Variants in MCMDC2 observed in about 807,000 individuals in gnomAD.
MCMDC2 encodes minichromosome maintenance domain-containing protein 2.
MCMDC2 carries 54 observed loss-of-function variants against 75.8 expected under a neutral mutation model. The observed-to-expected ratio is 0.71, with a 90% CI of 0.57 to 0.89. The LOEUF is 0.89. Ranked by LOEUF, MCMDC2 falls within the 40% of genes least tolerant of loss-of-function variation. The probability of loss-of-function intolerance (pLI) is 0.00; values close to 1 mark genes in which losing one functional copy is unlikely to be tolerated. For synonymous variants in MCMDC2, 249 were observed against 274.6 expected (o/e 0.91, Z 0.92); for missense variants, 656 against 780.4 (o/e 0.84, Z 1.90).
intron 7 of MCMDC2, among the ~76,000 whole-genome samples, chr8:66,879,889 G>A (rs1283527050): frequency 3.3e-5 from 5 of 152,090 alleles, no homozygotes. Context: ...GCTCTCTGGG[G>A]CTAGAGAGAA....
intron 1 of MCMDC2, among the ~76,000 whole-genome samples, chr8:66,871,094 C>T (rs1810993631): frequency 6.6e-6 from 1 of 152,216 alleles, no homozygotes; most frequent in Non-Finnish European, 1.5e-5. Context: ...CCTGTTCCCT[C>T]ACTTAACGCT....
intron 14 of MCMDC2, among the ~76,000 whole-genome samples, chr8:66,913,606 A>C (rs1322147204): frequency 6.6e-6 from 1 of 152,204 alleles, no homozygotes; most frequent in Non-Finnish European, 1.5e-5. Context: ...GTTACATAGT[A>C]GTGAAAAAAG....
At chr8:66,883,542 A>G (rs1053338682) in intron 8 of MCMDC2, among the ~76,000 whole-genome samples, 10 of 152,054 alleles carry the variant, frequency 6.6e-5, no homozygotes, top group African/African-American at 2.2e-4. Flanking sequence ...GCCTGTAATC[A>G]TAGCACTTTG....
intron 10 of MCMDC2, among the ~76,000 whole-genome samples, chr8:66,895,525 G>A (rs1416578389): frequency 6.6e-6 from 1 of 151,294 alleles, no homozygotes; most frequent in African/African-American, 2.4e-5. Context: ...TCTCACCTCA[G>A]CCTCCCAAGT....
rs571502790 is a variant in MCMDC2 at position 66,877,006 on chromosome 8, C to T, written c.286-343C>T. Among the ~76,000 whole-genome samples the T allele has an allele frequency of 7.9e-5, 12 of 152,146 alleles. No homozygotes were observed. In the South Asian group the frequency reaches 1.2e-3, roughly 16 times the overall value. ...CGATCTCCTGACCTCGTGATCTGCC[C>T]GCCTTGGCCTCCCAAAGTGCTGGGA... On this transcript the variant is annotated intron_variant, in intron 4 of 14. Transcript: ENST00000422365.
At chr8:66,897,255 A>G (rs1043702488) in intron 12 of MCMDC2, among the ~76,000 whole-genome samples, 5 of 151,992 alleles carry the variant, frequency 3.3e-5, no homozygotes, top group Non-Finnish European at 7.4e-5. Flanking sequence ...AAAAAATACA[A>G]AAATTAGCTG....
chr8:66,916,001 T>C (rs1202247075), intron 14 of MCMDC2, among the ~76,000 whole-genome samples: 1 of 151,944 alleles, frequency 6.6e-6, no homozygotes, highest in African/African-American at 2.4e-5. Flanking sequence ...AACCTAAAGG[T>C]TGTAGGTAGC....
chr8:66,923,655 G>T (rs995210031), downstream of MCMDC2, among the ~76,000 whole-genome samples: 2 of 152,132 alleles, frequency 1.3e-5, no homozygotes, highest in Non-Finnish European at 2.9e-5. Context: ...CTAGCACTTT[G>T]TGGGGTCGGG....
At position 66,883,972 on chromosome 8, in the gene MCMDC2, A is replaced by C; in HGVS notation, c.1051A>C (p.Ser351Arg). 6.2e-7 allele frequency: 1 copy of C among 1,611,824 alleles called. No individual in the cohort carries two copies. Among genetic ancestry groups the C allele is most frequent in the Non-Finnish European group, 8.5e-7 (1 of 1,178,176 alleles). Reference protein sequence around the residue: ...EDCLDILIITSDTLLIDRLLN... With the variant: ...EDCLDILIITRDTLLIDRLLN... ...TTGCCTGGATATTTTAATTATAACA[A>C]GTGATACTCTACTCATAGACAGGTA... Residue 351 changes from serine to arginine, a missense_variant, in exon 9 of 15, where the codon AGT (serine) becomes CGT (arginine). Coordinates refer to ENST00000422365, the MANE Select transcript of MCMDC2 (RefSeq NM_173518.5).
At chr8:66,882,088 A>C (rs764155440) in intron 8 of MCMDC2, among the ~76,000 whole-genome samples, 10 of 152,240 alleles carry the variant, frequency 6.6e-5, no homozygotes, top group Admixed American at 1.3e-4. Context: ...GGGCAGCCAC[A>C]AGACAGGTAG....
intron 14 of MCMDC2, among the ~76,000 whole-genome samples, chr8:66,910,927 C>T (rs1813091424): frequency 6.6e-6 from 1 of 152,176 alleles, no homozygotes; most frequent in Non-Finnish European, 1.5e-5. Context: ...TGCCTGTACC[C>T]CTGTGGTATT....
intron 14 of MCMDC2, among the ~76,000 whole-genome samples, chr8:66,916,138 G>C (rs1425438442): frequency 6.6e-6 from 1 of 151,834 alleles, no homozygotes; most frequent in South Asian, 2.1e-4. Flanking sequence ...GGTTCAGGAA[G>C]GAACTTTTTT....
At chr8:66,906,099 T>A (rs1237206916) in intron 14 of MCMDC2, among the ~76,000 whole-genome samples, 4 of 152,308 alleles carry the variant, frequency 2.6e-5, no homozygotes, top group African/African-American at 9.6e-5. Context: ...GTCTATAGCA[T>A]TTAATTTTTT....
intron 9 of MCMDC2, among the ~76,000 whole-genome samples, chr8:66,886,754 A>G (rs1811860834): frequency 6.6e-6 from 1 of 151,716 alleles, no homozygotes; most frequent in Admixed American, 6.6e-5. Context: ...CAGCCTGGGC[A>G]ACAGAGCAAG....
rs1467425752 is a variant in MCMDC2, at chr8:66,902,711, A to AAAATAT, written c.1769+1364_1769+1365insAATATA. On this transcript the variant is annotated intron_variant, in intron 13 of 14. Coordinates refer to ENST00000422365, the MANE Select transcript of MCMDC2 (RefSeq NM_173518.5). ...CTGTCTCAAAAAAAAAAAAAAAAAA[A>AAAATAT]ATATATATATATATATATATATATA... Among the ~76,000 whole-genome samples the AAAATAT allele has an allele frequency of 2.9e-3, 198 of 67,908 alleles. 5 individuals are homozygous for AAAATAT. The highest frequency in any genetic ancestry group is 0.014 in the East Asian group (28 of 2,004). The allele number at this position is 67,908 out of a possible 152,430, so 44.6% of individuals were successfully genotyped here.
downstream of MCMDC2, among the ~76,000 whole-genome samples, chr8:66,923,950 AAAGACTG>A (rs1813641664): frequency 6.6e-6 from 1 of 152,006 alleles, no homozygotes; most frequent in Non-Finnish European, 1.5e-5. Flanking sequence ...ACAAAACCCA[AAAGACTG>A]ATGGGCACAA....
chr8:66,884,108 G>A (rs1388082325), intron 9 of MCMDC2, 114 bp downstream of exon 9: 9 of 668,686 alleles, frequency 1.3e-5, no homozygotes, highest in South Asian at 3.9e-5. Context: ...GCCAGTATAA[G>A]TATTTAAATC....
At chr8:66,880,789 T>C in intron 7 of MCMDC2, 60 bp from the exon 8 acceptor site, 1 of 1,378,524 alleles carries the variant, frequency 7.3e-7, no homozygotes, top group Non-Finnish European at 9.5e-7. Context: ...TTGAACCATA[T>C]GTTCATGTAC....
intron 10 of MCMDC2, among the ~76,000 whole-genome samples, chr8:66,891,951 T>C (rs1307529719): frequency 6.6e-6 from 1 of 152,184 alleles, no homozygotes; most frequent in Non-Finnish European, 1.5e-5. Flanking sequence ...GGGAACAGGA[T>C]GGCACCTGAA....
Sources: allele counts gnomAD v4.1 joint callset (sites outside exome capture counted in the v4.1 genomes callset), GRCh38; gene constraint gnomAD v4.1.1; transcripts MANE v1.5; gene names NCBI Gene and HGNC (gene_info 2026-07-23, HGNC 2026-07-21).